FOXP1: variants seen among roughly 807,000 people sequenced by gnomAD.
FOXP1 encodes the protein forkhead box P1, also known as forkhead box protein P1.
Under a neutral mutation model 98.2 loss-of-function variants are expected in FOXP1, and 15 were observed. The observed-to-expected ratio is 0.15, with a 90% CI of 0.10 to 0.24. The LOEUF is 0.24. Ranked by LOEUF, FOXP1 falls within the 10% of genes least tolerant of loss-of-function variation. FOXP1 has a pLI of 1.00. For synonymous variants in FOXP1, 371 were observed against 314.5 expected, an observed-to-expected ratio of 1.18 and a Z score of -1.90; for missense variants, 633 against 848.5, an observed-to-expected ratio of 0.75 and a Z score of 3.15.
At chr3:71,326,167 T>C in intron 4 of FOXP1, among the ~76,000 whole-genome samples, 1 of 152,220 alleles carries the variant, frequency 6.6e-6, no homozygotes, top group Non-Finnish European at 1.5e-5. Context: ...AGGCCAAGCA[T>C]ATCTGGACTA....
At chr3:71,269,944 G>A (rs1459750621) in intron 5 of FOXP1, among the ~76,000 whole-genome samples, 2 of 152,150 alleles carry the variant, frequency 1.3e-5, no homozygotes, top group African/African-American at 2.4e-5. Flanking sequence ...AGGCAGGGGG[G>A]AAAAGGCTGA....
chr3:71,208,558 G>GTGTGTC (rs2064222697), intron 5 of FOXP1, among the ~76,000 whole-genome samples: 2 of 152,216 alleles, frequency 1.3e-5, no homozygotes, highest in Non-Finnish European at 2.9e-5. Flanking sequence ...GTGTGTGTGT[G>GTGTGTC]TGTGTCTGTT....
At chr3:71,230,105 A>C (rs1198061401) in intron 5 of FOXP1, among the ~76,000 whole-genome samples, 1 of 141,174 alleles carries the variant, frequency 7.1e-6, no homozygotes, top group Non-Finnish European at 1.5e-5. Flanking sequence ...CAGCCAAAGC[A>C]GACACCACTG....
At chr3:71,508,807 G>T (rs1053793415) in intron 2 of FOXP1, among the ~76,000 whole-genome samples, 1 of 152,168 alleles carries the variant, frequency 6.6e-6, no homozygotes, top group Admixed American at 6.5e-5. Flanking sequence ...AGTGATACCT[G>T]CCTTGGAATT....
chr3:71,265,004 T>C (rs1027565240), intron 5 of FOXP1, among the ~76,000 whole-genome samples: 1 of 152,174 alleles, frequency 6.6e-6, no homozygotes, highest in Non-Finnish European at 1.5e-5. Flanking sequence ...GTCTGGCTCA[T>C]CTGATTCTAG....
intron 2 of FOXP1, among the ~76,000 whole-genome samples, chr3:71,522,953 T>C (rs2043103943): frequency 1.3e-5 from 2 of 152,182 alleles, no homozygotes; most frequent in Non-Finnish European, 1.5e-5. Context: ...TTCAACTATA[T>C]GAACTGAGCG....
chr3:71,007,879 T>C (rs1443158868), intron 12 of FOXP1, among the ~76,000 whole-genome samples: 3 of 152,210 alleles, frequency 2.0e-5, no homozygotes, highest in Non-Finnish European at 2.9e-5. Context: ...GTTCCATTTC[T>C]GGGCATTTTC....
chr3:71,243,097 T>C (rs1020572605), intron 5 of FOXP1, among the ~76,000 whole-genome samples: 4 of 152,252 alleles, frequency 2.6e-5, no homozygotes, highest in Admixed American at 1.3e-4. Context: ...AGGCTACTAA[T>C]TCCAATCACC....
At chr3:70,976,766 G>C (rs1044559522) in intron 17 of FOXP1, among the ~76,000 whole-genome samples, 175 bp downstream of exon 17, 1 of 152,170 alleles carries the variant, frequency 6.6e-6, no homozygotes, top group Non-Finnish European at 1.5e-5. Flanking sequence ...TTCCATCAGA[G>C]CATTTCAACC....
At chr3:71,052,895 T>A (rs984283091) in intron 8 of FOXP1, among the ~76,000 whole-genome samples, 1 of 152,338 alleles carries the variant, frequency 6.6e-6, no homozygotes, top group East Asian at 1.9e-4. Context: ...CCTTTGATTG[T>A]ACAACAAAGC....
chr3:71,544,043 A>G (rs550077768), intron 2 of FOXP1, among the ~76,000 whole-genome samples: 1 of 150,900 alleles, frequency 6.6e-6, no homozygotes, highest in East Asian at 2.3e-4. Flanking sequence ...ATACACACAT[A>G]TATGTGTGTA....
chr3:71,145,954 G>A (rs912464293), intron 6 of FOXP1, among the ~76,000 whole-genome samples: 4 of 152,142 alleles, frequency 2.6e-5, no homozygotes, highest in Admixed American at 6.5e-5. Flanking sequence ...TCTTTAATCA[G>A]GGATTGTATC....
chr3:71,212,731 T>C (rs2064582240), intron 5 of FOXP1, among the ~76,000 whole-genome samples: 1 of 152,178 alleles, frequency 6.6e-6, no homozygotes. Flanking sequence ...TCCAACCTTT[T>C]TGTAATGGAG....
At chr3:71,178,991 C>A (rs73106142) in intron 6 of FOXP1, among the ~76,000 whole-genome samples, 68,253 of 147,246 alleles carry the variant, frequency 0.46, 16,847 homozygotes, top group African/African-American at 0.64. Context: ...AATCATTTGA[C>A]CCTGGGAGGC....
chr3:71,570,073 C>T (rs1211372916), intron 2 of FOXP1, among the ~76,000 whole-genome samples: 1 of 152,136 alleles, frequency 6.6e-6, no homozygotes, highest in African/African-American at 2.4e-5. Flanking sequence ...TGGACAAAGG[C>T]GTGGCTCAGC....
chr3:71,121,843 A>G (rs138859597), intron 6 of FOXP1, among the ~76,000 whole-genome samples: 22 of 152,350 alleles, frequency 1.4e-4, no homozygotes, highest in South Asian at 4.1e-4. Flanking sequence ...TTAAAAATAA[A>G]TAAGTTGGAC....
intron 7 of FOXP1, among the ~76,000 whole-genome samples, chr3:71,102,776 C>T (rs1430529655): frequency 6.6e-6 from 1 of 152,128 alleles, no homozygotes; most frequent in Non-Finnish European, 1.5e-5. Flanking sequence ...TCCCTGTTTG[C>T]GGGGCCCAGG....
At chr3:71,173,031 A>C (rs944815619) in intron 6 of FOXP1, among the ~76,000 whole-genome samples, 1 of 152,170 alleles carries the variant, frequency 6.6e-6, no homozygotes, top group Middle Eastern at 3.2e-3. Flanking sequence ...CAGCAGCAAC[A>C]CTCAGGCTGG....
intron 7 of FOXP1, among the ~76,000 whole-genome samples, chr3:71,086,956 C>T (rs937194678): frequency 6.6e-6 from 1 of 152,112 alleles, no homozygotes; most frequent in Non-Finnish European, 1.5e-5. Flanking sequence ...GGCACCCTAC[C>T]CAAACACAAG....
Sources: gnomAD v4.1 joint callset for allele counts (sites outside exome capture counted in the v4.1 genomes callset) on GRCh38, gnomAD v4.1.1 for gene constraint, MANE v1.5 for transcripts, NCBI Gene and HGNC (gene_info 2026-07-23, HGNC 2026-07-21) for gene names.